Variants in RPS6KC1 observed in about 807,000 individuals in gnomAD.
RPS6KC1 encodes the protein inactive ribosomal protein S6 kinase delta-1.
RPS6KC1 carries 54 observed loss-of-function variants against 103.8 expected under a neutral mutation model. The observed-to-expected ratio is 0.52, with a 90% CI of 0.42 to 0.65. RPS6KC1 has a LOEUF of 0.65. Ranked by LOEUF, RPS6KC1 falls within the 30% of genes least tolerant of loss-of-function variation. The pLI is 0.00. For missense variants in RPS6KC1, 1,151 were observed against 1,253.8 expected (o/e 0.92, Z 1.24); for synonymous variants, 439 against 438.7 (o/e 1.00, Z -0.01).
chr1:213,627,333 G>T, the RPS6KC1 span, among the ~76,000 whole-genome samples: 1 of 152,154 alleles, frequency 6.6e-6, no homozygotes, highest in African/African-American at 2.4e-5. Context: ...CTGAGAAAAT[G>T]GGGTTTTCTA....
the RPS6KC1 span, among the ~76,000 whole-genome samples, chr1:213,792,096 G>A: frequency 6.6e-6 from 1 of 152,062 alleles, no homozygotes; most frequent in South Asian, 2.1e-4. Context: ...TGTGCCCCTG[G>A]CCCTCCCACC....
the RPS6KC1 span, among the ~76,000 whole-genome samples, chr1:213,608,473 C>T: frequency 6.6e-6 from 1 of 152,186 alleles, no homozygotes; most frequent in Non-Finnish European, 1.5e-5. Flanking sequence ...GCTTGGAAAG[C>T]AGGATTCCAC....
the RPS6KC1 span, among the ~76,000 whole-genome samples, chr1:213,659,945 A>G: frequency 5.9e-5 from 9 of 152,164 alleles, no homozygotes; most frequent in Non-Finnish European, 1.5e-5. Flanking sequence ...TTATTCCTTT[A>G]AGGTCAGGTT....
the RPS6KC1 span, among the ~76,000 whole-genome samples, chr1:213,380,272 G>T: frequency 5.9e-5 from 9 of 152,290 alleles, no homozygotes; most frequent in African/African-American, 1.7e-4. Flanking sequence ...GGAGCTAAAT[G>T]ATGCGAACAC....
the RPS6KC1 span, among the ~76,000 whole-genome samples, chr1:213,612,920 T>G: frequency 3.1e-4 from 47 of 152,346 alleles, no homozygotes; most frequent in Middle Eastern, 6.8e-3. Context: ...TTCTGCCTTT[T>G]TATACCATTT....
chr1:213,675,676 A>G, the RPS6KC1 span, among the ~76,000 whole-genome samples: 1 of 152,146 alleles, frequency 6.6e-6, no homozygotes, highest in South Asian at 2.1e-4. Context: ...CAGGAGTTAG[A>G]CACCAGTCTG....
chr1:213,552,332 A>G, the RPS6KC1 span, among the ~76,000 whole-genome samples: 1 of 152,204 alleles, frequency 6.6e-6, no homozygotes, highest in Non-Finnish European at 1.5e-5. Context: ...TTGCATTTCC[A>G]CCAGCAATGA....
the RPS6KC1 span, among the ~76,000 whole-genome samples, chr1:213,778,365 C>T: frequency 1.3e-5 from 2 of 152,070 alleles, no homozygotes; most frequent in Non-Finnish European, 2.9e-5. Flanking sequence ...TACTGCAAGG[C>T]CAGGTTTTGG....
intron 5 of RPS6KC1, among the ~76,000 whole-genome samples, chr1:213,121,688 A>G (rs2084403315): frequency 6.6e-6 from 1 of 152,148 alleles, no homozygotes; most frequent in African/African-American, 2.4e-5. Flanking sequence ...TGGCCTTGAT[A>G]TCAGAGACTT....
the RPS6KC1 span, among the ~76,000 whole-genome samples, chr1:213,601,241 A>C: frequency 6.6e-6 from 1 of 151,442 alleles, no homozygotes; most frequent in Non-Finnish European, 1.5e-5. Context: ...GTGGGTGTGA[A>C]TATATATAGT....
chr1:213,354,842 G>C, the RPS6KC1 span, among the ~76,000 whole-genome samples: 1 of 152,142 alleles, frequency 6.6e-6, no homozygotes, highest in Non-Finnish European at 1.5e-5. Flanking sequence ...TCCACTTCTC[G>C]ATATTGCCAC....
intron 8 of RPS6KC1, among the ~76,000 whole-genome samples, chr1:213,190,518 A>G (rs568229099): frequency 5.9e-5 from 9 of 152,152 alleles, no homozygotes; most frequent in African/African-American, 2.2e-4. Flanking sequence ...TTTCCTATAG[A>G]GATGTTTGAG....
chr1:213,680,537 C>G, the RPS6KC1 span, among the ~76,000 whole-genome samples: 2 of 152,174 alleles, frequency 1.3e-5, no homozygotes, highest in Non-Finnish European at 2.9e-5. Flanking sequence ...AATGAAGTCA[C>G]TGACCAGGGG....
the RPS6KC1 span, among the ~76,000 whole-genome samples, chr1:213,845,319 C>T: frequency 6.6e-6 from 1 of 152,256 alleles, no homozygotes; most frequent in East Asian, 1.9e-4. Flanking sequence ...TGAGGGCAAA[C>T]CAAAGAACTG....
the RPS6KC1 span, among the ~76,000 whole-genome samples, chr1:213,473,089 CT>C: frequency 6.6e-6 from 1 of 152,190 alleles, no homozygotes; most frequent in East Asian, 1.9e-4. Flanking sequence ...TCTGCCTTGC[CT>C]TTGTAACAGG....
chr1:213,578,415 C>T, the RPS6KC1 span, among the ~76,000 whole-genome samples: 3 of 152,214 alleles, frequency 2.0e-5, no homozygotes, highest in Non-Finnish European at 2.9e-5. Context: ...AGAGGGCCAC[C>T]GTCCTCCAAA....
rs188357867 is a variant in RPS6KC1, at chr1:213,166,683, A to G, written c.836-1175A>G. Among the ~76,000 whole-genome samples the G allele has an allele frequency of 6.6e-3, 998 of 152,284 alleles. 33 individuals carry two copies. The highest frequency in any genetic ancestry group is 3.1e-3 in the Non-Finnish European group (208 of 68,014). On this transcript the variant is annotated intron_variant, in intron 6 of 14. Coordinates refer to ENST00000366960, the MANE Select transcript of RPS6KC1 (RefSeq NM_012424.6). ...GAAGGAGAGAAGAGGTGGAATAGTA[A>G]TGTAAAAGGTGTGAAATGAAAGTTA...
intron 10 of RPS6KC1, among the ~76,000 whole-genome samples, chr1:213,236,541 T>G (rs992613480): frequency 6.6e-6 from 1 of 152,168 alleles, no homozygotes; most frequent in African/African-American, 2.4e-5. Context: ...TATTTACTAT[T>G]GCTTTTAATA....
At chr1:213,471,135 G>T in the RPS6KC1 span, among the ~76,000 whole-genome samples, 1 of 152,018 alleles carries the variant, frequency 6.6e-6, no homozygotes, top group African/African-American at 2.4e-5. Context: ...TTCTGTTTTT[G>T]GTGTGTTTCA....
Sources: gnomAD v4.1 joint callset for allele counts (sites outside exome capture counted in the v4.1 genomes callset) on GRCh38, gnomAD v4.1.1 for gene constraint, MANE v1.5 for transcripts, NCBI Gene and HGNC (gene_info 2026-07-23, HGNC 2026-07-21) for gene names.